The following PHKA2 variants were observed in gnomAD, a reference collection of about 807,000 sequenced individuals.
PHKA2 encodes the protein phosphorylase b kinase regulatory subunit alpha, liver isoform.
PHKA2 carries 31 observed loss-of-function variants against 102.0 expected under a neutral mutation model. The observed-to-expected ratio is 0.30, with a 90% confidence interval of 0.23 to 0.41. The LOEUF is 0.41. Among genes scored for constraint, PHKA2 ranks in the 10% least tolerant of loss-of-function variants. The probability of loss-of-function intolerance (pLI) is 1.00; values close to 1 mark genes in which losing one functional copy is unlikely to be tolerated. For synonymous variants in PHKA2, 455 were observed against 416.2 expected (o/e 1.09, Z -1.13); for missense variants, 858 against 1,023.1 (o/e 0.84, Z 2.20).
chrX:18,924,555 C>G (rs778674903), intron 15 of PHKA2, 30 bp from the exon 16 acceptor site: 1 of 1,200,985 alleles, frequency 8.3e-7, no homozygotes, highest in Non-Finnish European at 1.1e-6. Context: ...GGGTAAACGG[C>G]CACCCTTTCT....
intron 1 of PHKA2, among the ~76,000 whole-genome samples, chrX:18,964,416 G>A (rs2048910457): frequency 8.9e-6 from 1 of 112,263 alleles, no homozygotes; most frequent in Non-Finnish European, 1.9e-5. Context: ...GAATCGCTAA[G>A]TGCATATCCC....
chrX:18,933,611 C>T (rs959647133), intron 11 of PHKA2, among the ~76,000 whole-genome samples: 1 of 112,357 alleles, frequency 8.9e-6, no homozygotes, highest in Non-Finnish European at 1.9e-5. Flanking sequence ...CCTGATGAGG[C>T]CTTTTATCTA....
intron 1 of PHKA2, among the ~76,000 whole-genome samples, chrX:18,968,350 G>T (rs1173041271): frequency 8.9e-6 from 1 of 112,635 alleles, no homozygotes; most frequent in Non-Finnish European, 1.9e-5. Flanking sequence ...TCTCATATAT[G>T]CTTCTGTATT....
At chrX:18,916,876 ATTT>A (rs202152356) in intron 19 of PHKA2, among the ~76,000 whole-genome samples, 2 of 100,679 alleles carry the variant, frequency 2.0e-5, no homozygotes, top group Non-Finnish European at 4.1e-5. Context: ...GGGCTAATAC[ATTT>A]TTTTTTTTTT....
chrX:18,931,836 G>T, intron 11 of PHKA2, 88 bp from the exon 12 acceptor site: 1 of 664,967 alleles, frequency 1.5e-6, no homozygotes, highest in Non-Finnish European at 2.5e-6. Context: ...GAGGATTTAT[G>T]AAATGGTACT....
chrX:18,910,462 G>C (rs1176287775), intron 20 of PHKA2, among the ~76,000 whole-genome samples: 1 of 111,833 alleles, frequency 8.9e-6, no homozygotes, highest in Non-Finnish European at 1.9e-5. Context: ...CTGGGTGACA[G>C]AGCGAGACTC....
chrX:18,940,554 T>G (rs1347821625), intron 8 of PHKA2, among the ~76,000 whole-genome samples: 1 of 112,082 alleles, frequency 8.9e-6, no homozygotes, highest in Non-Finnish European at 1.9e-5. Context: ...GGACTGTCGC[T>G]GCTGGTTTTG....
At chrX:18,969,012 G>A (rs1020493594) in intron 1 of PHKA2, among the ~76,000 whole-genome samples, 5 of 110,920 alleles carry the variant, frequency 4.5e-5, no homozygotes, top group Non-Finnish European at 1.9e-5. Context: ...AGCTACTTGG[G>A]AGGCTGAGGC....
intron 12 of PHKA2, among the ~76,000 whole-genome samples, chrX:18,929,685 C>T (rs1184991700): frequency 9.0e-6 from 1 of 111,465 alleles, no homozygotes; most frequent in Non-Finnish European, 1.9e-5. Context: ...GAAAACAACA[C>T]CCCCAAAACA....
At chrX:18,943,320 C>T (rs1197726723) in intron 7 of PHKA2, among the ~76,000 whole-genome samples, 1 of 111,973 alleles carries the variant, frequency 8.9e-6, no homozygotes, top group Non-Finnish European at 1.9e-5. Context: ...CAACCCCTCA[C>T]CCCCAAGTGA....
At chrX:18,919,947 T>C in intron 18 of PHKA2, 85 bp downstream of exon 18, 1 of 716,154 alleles carries the variant, frequency 1.4e-6, no homozygotes. Flanking sequence ...TCATTGTCTA[T>C]ATTTGAGTCT....
intron 1 of PHKA2, 55 bp from the exon 2 acceptor site, chrX:18,954,467 G>A (rs1003827625): frequency 1.6e-5 from 18 of 1,123,305 alleles, no homozygotes; most frequent in Non-Finnish European, 2.1e-5. Flanking sequence ...CAGTCCCTGG[G>A]TAACAGATGC....
At chrX:18,944,505 T>C (rs939573602) in intron 6 of PHKA2, among the ~76,000 whole-genome samples, 1 of 111,803 alleles carries the variant, frequency 8.9e-6, no homozygotes, top group Non-Finnish European at 1.9e-5. Flanking sequence ...CATATGTCTA[T>C]GGCAAGAGAA....
chrX:18,916,268 A>G (rs2048018612), intron 19 of PHKA2, among the ~76,000 whole-genome samples: 1 of 111,389 alleles, frequency 9.0e-6, no homozygotes, highest in Non-Finnish European at 1.9e-5. Flanking sequence ...TACAAAAATT[A>G]GCCGGATGTG....
Position 18,906,779 on chromosome X carries a change from T to A in PHKA2, c.2633A>T (p.Tyr878Phe), listed in dbSNP as rs901937287. The A allele has an allele frequency of 8.3e-7, 1 of 1,211,397 alleles. No homozygotes were observed. Among genetic ancestry groups the A allele is most frequent in the East Asian group, 3.0e-5 (1 of 33,841 alleles). The change falls in exon 24 of 33, where the codon TAC becomes TTC. Residue 878 changes from tyrosine to phenylalanine, a missense_variant. Physicochemically the swap from Tyr to Phe is conservative, Grantham distance 22. Coordinates refer to ENST00000379942, the MANE Select transcript of PHKA2 (RefSeq NM_000292.3). ...LPPEELTKLI[Y>F]EASGQDISIA... ...GCTGATGTCCTGCCCACTGGCCTCG[T>A]AGATGAGTTTTGTGAGCTCCTCTGG...
chrX:18,914,952 C>T (rs1159415436), intron 19 of PHKA2, among the ~76,000 whole-genome samples: 1 of 111,187 alleles, frequency 9.0e-6, no homozygotes, highest in East Asian at 2.8e-4. Flanking sequence ...CTAAGCAAAC[C>T]GGAAAAGGTG....
At chrX:18,898,614 C>A (rs772198043) in intron 29 of PHKA2, among the ~76,000 whole-genome samples, 8 of 112,848 alleles carry the variant, frequency 7.1e-5, no homozygotes, top group African/African-American at 2.6e-4. Flanking sequence ...TTTGAAAAGG[C>A]AGTTCGGCTG....
At chrX:18,930,421 G>A (rs1339828542) in intron 12 of PHKA2, among the ~76,000 whole-genome samples, 1 of 110,655 alleles carries the variant, frequency 9.0e-6, no homozygotes, top group Non-Finnish European at 1.9e-5. Flanking sequence ...GGATCAAGGT[G>A]TTCTGGGAGT....
At chrX:18,917,424 C>T (rs1170084224) in intron 19 of PHKA2, among the ~76,000 whole-genome samples, 1 of 109,057 alleles carries the variant, frequency 9.2e-6, no homozygotes, top group Non-Finnish European at 1.9e-5. Context: ...AAACCTGGCT[C>T]ATTTCTGTAT....
Sources: gnomAD v4.1 joint callset for allele counts (sites outside exome capture counted in the v4.1 genomes callset) on GRCh38, gnomAD v4.1.1 for gene constraint, MANE v1.5 for transcripts, NCBI Gene and HGNC (gene_info 2026-07-23, HGNC 2026-07-21) for gene names.